The following GRM5 variants were observed in gnomAD, a reference collection of about 807,000 sequenced individuals.
The protein encoded by GRM5 is glutamate metabotropic receptor 5.
GRM5 carries 19 observed loss-of-function variants against 83.1 expected under a neutral mutation model. That is an observed-to-expected ratio of 0.23 (90% confidence interval 0.16 to 0.34). The LOEUF (loss-of-function observed/expected upper bound fraction) is 0.34. Ranked by LOEUF, GRM5 falls within the 10% of genes least tolerant of loss-of-function variation. The pLI, the probability that GRM5 is intolerant of heterozygous loss-of-function variation, is 1.00. For missense variants in GRM5, 1,160 were observed against 1,588.3 expected (o/e 0.73, Z 4.58); for synonymous variants, 675 against 633.6 (o/e 1.07, Z -0.98).
At chr11:88,800,946 C>A (rs1281614781) in intron 3 of GRM5, among the ~76,000 whole-genome samples, 2 of 152,050 alleles carry the variant, frequency 1.3e-5, no homozygotes, top group Non-Finnish European at 2.9e-5. Flanking sequence ...TTTTTCAGGG[C>A]ATACCATTCA....
intron 2 of GRM5, among the ~76,000 whole-genome samples, chr11:89,004,011 G>A (rs1285865806): frequency 1.3e-5 from 2 of 152,176 alleles, no homozygotes; most frequent in East Asian, 3.8e-4. Flanking sequence ...GCTTAAGAAG[G>A]ATAATGAACA....
intron 4 of GRM5, among the ~76,000 whole-genome samples, chr11:88,625,662 C>T (rs1441490131): frequency 6.6e-6 from 1 of 152,110 alleles, no homozygotes; most frequent in Non-Finnish European, 1.5e-5. Context: ...TGAAGAACTA[C>T]CTGTTGGCTA....
chr11:89,046,180 G>A (rs1453705461), intron 2 of GRM5, among the ~76,000 whole-genome samples: 1 of 152,136 alleles, frequency 6.6e-6, no homozygotes, highest in African/African-American at 2.4e-5. Flanking sequence ...TGCATAATAT[G>A]TGTTGCATAA....
chr11:88,863,388 TAA>T lies in GRM5; in HGVS notation c.662-13235_662-13234del, dbSNP rs34853133. Reference sequence around the variant, plus strand: ...ATGTCCATCAATGATAGACCAGATTTAAAAAAAAATGATACATATACACCATG... The same window carrying T: ...ATGTCCATCAATGATAGACCAGATTTAAAAAAATGATACATATACACCATG... On this transcript the variant is annotated intron_variant, in intron 2 of 9. Coordinates refer to ENST00000305447, the MANE Select transcript of GRM5 (RefSeq NM_001143831.3). Among the ~76,000 whole-genome samples, 55 of 151,398 alleles carry T rather than the reference TAA, an allele frequency of 3.6e-4. 1 individual carries two copies. Among genetic ancestry groups the T allele is most frequent in the Admixed American group, 3.6e-3 (55 of 15,160 alleles).
chr11:88,901,270 T>C (rs1170695341), intron 2 of GRM5, among the ~76,000 whole-genome samples: 2 of 152,172 alleles, frequency 1.3e-5, no homozygotes, highest in Admixed American at 1.3e-4. Flanking sequence ...ATCTATTGAT[T>C]GACTTTGATG....
intron 8 of GRM5, among the ~76,000 whole-genome samples, chr11:88,545,138 C>T (rs989144013): frequency 3.9e-5 from 6 of 152,180 alleles, no homozygotes; most frequent in Admixed American, 6.5e-5. Context: ...ACTTCTTCAT[C>T]TTTGAAACAC....
chr11:88,861,148 G>A (rs1490089590), intron 2 of GRM5, among the ~76,000 whole-genome samples: 1 of 151,938 alleles, frequency 6.6e-6, no homozygotes, highest in East Asian at 1.9e-4. Flanking sequence ...ACCACTTTAG[G>A]CATGCAAAGA....
At chr11:88,537,525 T>C (rs1222192420) in intron 8 of GRM5, among the ~76,000 whole-genome samples, 2 of 152,158 alleles carry the variant, frequency 1.3e-5, no homozygotes, top group African/African-American at 2.4e-5. Context: ...CCAAGTCTAA[T>C]TGATCAGAGG....
intron 2 of GRM5, among the ~76,000 whole-genome samples, chr11:88,969,872 A>T (rs1486947035): frequency 6.6e-6 from 1 of 152,146 alleles, no homozygotes; most frequent in African/African-American, 2.4e-5. Flanking sequence ...AGTTATAGTC[A>T]TATCAAGAAA....
intron 3 of GRM5, among the ~76,000 whole-genome samples, chr11:88,762,821 C>A (rs1942552419): frequency 1.3e-5 from 2 of 151,872 alleles, no homozygotes; most frequent in African/African-American, 4.8e-5. Context: ...ACATGTGCAC[C>A]ATGGAGTACT....
chr11:88,757,910 C>A (rs1392204338), intron 3 of GRM5, among the ~76,000 whole-genome samples: 2 of 152,092 alleles, frequency 1.3e-5, no homozygotes, highest in Non-Finnish European at 2.9e-5. Context: ...TGGTTTCTAA[C>A]CTTGAGGAGC....
chr11:89,063,616 C>T (rs1427427932), intron 1 of GRM5: 3 of 152,312 alleles, frequency 2.0e-5, no homozygotes, highest in Admixed American at 6.5e-5. Context: ...CAAGCTCATT[C>T]CCTCCGCTCA....
chr11:89,010,600 T>C (rs982157939), intron 2 of GRM5, among the ~76,000 whole-genome samples: 21 of 152,014 alleles, frequency 1.4e-4, no homozygotes, highest in Middle Eastern at 6.8e-3. Context: ...GAAAATTTCA[T>C]GTTTATGCCA....
At chr11:88,739,822 C>T (rs1429218493) in intron 3 of GRM5, among the ~76,000 whole-genome samples, 1 of 151,980 alleles carries the variant, frequency 6.6e-6, no homozygotes, top group African/African-American at 2.4e-5. Context: ...TATAAATTAC[C>T]CAGTCTTGGG....
intron 2 of GRM5, among the ~76,000 whole-genome samples, chr11:89,031,180 G>A (rs1403816892): frequency 6.6e-6 from 1 of 151,848 alleles, no homozygotes; most frequent in Non-Finnish European, 1.5e-5. Flanking sequence ...GAAGGGATAG[G>A]CACAATGTTT....
chr11:88,756,019 C>T (rs562121030), intron 3 of GRM5, among the ~76,000 whole-genome samples: 2 of 152,136 alleles, frequency 1.3e-5, no homozygotes, highest in Admixed American at 6.6e-5. Context: ...ATGAACAAGG[C>T]TTATATTTAC....
intron 2 of GRM5, among the ~76,000 whole-genome samples, chr11:88,989,043 C>T (rs1209198163): frequency 6.6e-6 from 1 of 151,334 alleles, no homozygotes; most frequent in African/African-American, 2.4e-5. Context: ...ACTAAATGCT[C>T]CAATTAAAAG....
intron 2 of GRM5, among the ~76,000 whole-genome samples, chr11:89,023,009 G>A (rs1487367509): frequency 2.6e-5 from 4 of 152,082 alleles, no homozygotes; most frequent in Admixed American, 6.6e-5. Context: ...TTTCTGACAC[G>A]TTCCCAGGTA....
At chr11:88,733,188 T>C (rs1486538205) in intron 3 of GRM5, among the ~76,000 whole-genome samples, 1 of 151,998 alleles carries the variant, frequency 6.6e-6, no homozygotes, top group Non-Finnish European at 1.5e-5. Context: ...AGAAGCTTTT[T>C]GAAAATGGAA....
Sources: allele counts gnomAD v4.1 joint callset (sites outside exome capture counted in the v4.1 genomes callset), GRCh38; gene constraint gnomAD v4.1.1; transcripts MANE v1.5; gene names NCBI Gene and HGNC (gene_info 2026-07-23, HGNC 2026-07-21).